Variants in CADM1 observed in about 807,000 individuals in gnomAD.
The protein encoded by CADM1 is TSLC-1.
In CADM1, 15 loss-of-function variants were observed where a neutral mutation model predicts 53.1. That is an observed-to-expected ratio of 0.28 (90% confidence interval 0.19 to 0.44). CADM1 has a LOEUF of 0.44. Among genes scored for constraint, CADM1 ranks in the 20% least tolerant of loss-of-function variants. The pLI, the probability that CADM1 is intolerant of heterozygous loss-of-function variation, is 1.00. For synonymous variants in CADM1, 281 were observed against 243.0 expected (o/e 1.16, Z -1.45); for missense variants, 434 against 611.3 (o/e 0.71, Z 3.06).
chr11:115,340,658 ATTTTTT>A (rs869273547), intron 1 of CADM1, among the ~76,000 whole-genome samples: 1 of 34,942 alleles, frequency 2.9e-5, no homozygotes, highest in African/African-American at 1.4e-4. Flanking sequence ...ATATATATAT[ATTTTTT>A]TTTTTTTTTT....
At chr11:115,308,218 C>CTATATATATATA (rs1944439959) in intron 1 of CADM1, among the ~76,000 whole-genome samples, 1 of 61,552 alleles carries the variant, frequency 1.6e-5, no homozygotes, top group African/African-American at 7.4e-5. Context: ...ATATACACAC[C>CTATATATATATA]TATGAGAAGG....
At chr11:115,230,757 C>T (rs1046828978) in intron 4 of CADM1, among the ~76,000 whole-genome samples, 1 of 152,096 alleles carries the variant, frequency 6.6e-6, no homozygotes, top group African/African-American at 2.4e-5. Flanking sequence ...GTGAATTGGG[C>T]AACTGAATCA....
intron 1 of CADM1, among the ~76,000 whole-genome samples, chr11:115,314,319 T>C (rs1376944298): frequency 2.0e-5 from 3 of 152,126 alleles, no homozygotes; most frequent in African/African-American, 7.2e-5. Context: ...TGAGCTCGGG[T>C]CCCTATTATG....
intron 1 of CADM1, among the ~76,000 whole-genome samples, chr11:115,301,432 T>C (rs955047147): frequency 6.6e-6 from 1 of 152,056 alleles, no homozygotes; most frequent in African/African-American, 2.4e-5. Flanking sequence ...TTACTAGTCT[T>C]ACTTGAAGTC....
Position 115,175,191 on chromosome 11 carries a change from A to G in CADM1, c.*1283T>C. ...CTGCTCTGACCTATCGAGAACTGAGAGCGACAGCAGACCAGTGTGAGAACA... is the reference window on the plus strand; with the variant it reads ...CTGCTCTGACCTATCGAGAACTGAGGGCGACAGCAGACCAGTGTGAGAACA... On this transcript the variant is annotated 3_prime_UTR_variant, in exon 12 of 12. Transcript: ENST00000331581. 6 of 985,836 alleles carry G rather than the reference A, an allele frequency of 6.1e-6. No individual in the cohort carries two copies. The highest frequency in any genetic ancestry group is 7.2e-6 in the Non-Finnish European group (6 of 829,918). 61.1% of individuals were successfully genotyped at this position (985,836 alleles called of 1,614,324 possible).
chr11:115,263,439 T>C (rs983204697), intron 1 of CADM1, among the ~76,000 whole-genome samples: 3 of 152,264 alleles, frequency 2.0e-5, no homozygotes, highest in African/African-American at 7.2e-5. Context: ...AACTTTCACT[T>C]GTTAATTTTA....
chr11:115,185,881 C>A (rs747460463), intron 10 of CADM1, among the ~76,000 whole-genome samples: 4 of 152,172 alleles, frequency 2.6e-5, no homozygotes, highest in Non-Finnish European at 4.4e-5. Flanking sequence ...GGACCTCAGG[C>A]ATTTGGGGGT....
chr11:115,481,555 C>T (rs1378386399), intron 1 of CADM1, among the ~76,000 whole-genome samples: 2 of 152,132 alleles, frequency 1.3e-5, no homozygotes, highest in African/African-American at 4.8e-5. Context: ...CAAATGAGTG[C>T]CACAGAGTGC....
chr11:115,437,581 C>T lies in CADM1; in HGVS notation c.124+66690G>A, dbSNP rs1347317659. Among the ~76,000 whole-genome samples the T allele has an allele frequency of 2.6e-5, 4 of 152,242 alleles. No individual in the cohort carries two copies. In the South Asian group the frequency reaches 6.2e-4, roughly 24 times the overall value. Reference sequence around the variant, plus strand: ...AACAGTTTCACAGAAGCAGGAGAAACGGGAAGATACCAAAGCGATGGGCAA... The same window carrying T: ...AACAGTTTCACAGAAGCAGGAGAAATGGGAAGATACCAAAGCGATGGGCAA... On this transcript the variant is annotated intron_variant, in intron 1 of 11. Transcript: ENST00000331581.
intron 1 of CADM1, among the ~76,000 whole-genome samples, chr11:115,462,646 G>A (rs935878093): frequency 2.1e-4 from 32 of 152,170 alleles, no homozygotes; most frequent in African/African-American, 7.0e-4. Context: ...AGGAAAGTAA[G>A]GGACATTAGA....
At chr11:115,292,183 G>A (rs1342105830) in intron 1 of CADM1, among the ~76,000 whole-genome samples, 1 of 152,162 alleles carries the variant, frequency 6.6e-6, no homozygotes, top group Admixed American at 6.5e-5. Context: ...CTAAAGTCAA[G>A]GGATTCCAAA....
intron 1 of CADM1, among the ~76,000 whole-genome samples, chr11:115,249,594 C>A (rs907992556): frequency 6.6e-6 from 1 of 152,150 alleles, no homozygotes; most frequent in Non-Finnish European, 1.5e-5. Context: ...TATTTGAAAA[C>A]CACAAAGGAA....
At chr11:115,298,632 G>A (rs78092903) in intron 1 of CADM1, among the ~76,000 whole-genome samples, 3,548 of 152,280 alleles carry the variant, frequency 0.023, 142 homozygotes, top group African/African-American at 0.081. Context: ...TTTTACCAGC[G>A]TGGTGAGTTT....
intron 1 of CADM1, among the ~76,000 whole-genome samples, chr11:115,295,544 A>AT (rs1944050701): frequency 3.6e-5 from 2 of 56,240 alleles, no homozygotes; most frequent in African/African-American, 3.7e-4. Flanking sequence ...ATATATATAT[A>AT]TATATAATAT....
At chr11:115,226,053 G>A (rs1025847085) in intron 5 of CADM1, among the ~76,000 whole-genome samples, 1 of 151,962 alleles carries the variant, frequency 6.6e-6, no homozygotes, top group Non-Finnish European at 1.5e-5. Flanking sequence ...CCATGAATGG[G>A]ATCAGTATTT....
At chr11:115,442,515 T>A (rs1386571634) in intron 1 of CADM1, among the ~76,000 whole-genome samples, 1 of 152,132 alleles carries the variant, frequency 6.6e-6, no homozygotes, top group African/African-American at 2.4e-5. Flanking sequence ...AGAGCTCTTC[T>A]CCCATTGGAA....
intron 1 of CADM1, among the ~76,000 whole-genome samples, chr11:115,438,307 T>G (rs1424725167): frequency 6.6e-6 from 1 of 152,166 alleles, no homozygotes; most frequent in East Asian, 1.9e-4. Context: ...TTATTTTTAA[T>G]GAATCTTACC....
In CADM1 at chr11:115,170,584, T is replaced by G; in HGVS notation, c.*5890A>C. On this transcript the variant is annotated 3_prime_UTR_variant, in exon 12 of 12. Coordinates refer to ENST00000331581, the MANE Select transcript of CADM1 (RefSeq NM_001301043.2). ...GTTCAGGGATGCTCATGTGTAATGA[T>G]GTGAGTGTTGGGTGGGGGGTGGTGG... The G allele has an allele frequency of 8.9e-6, 1 of 112,618 alleles. No individual in the cohort carries two copies. The highest frequency in any genetic ancestry group is 2.9e-4 in the East Asian group (1 of 3,424). 7.0% of individuals were successfully genotyped at this position (112,618 alleles called of 1,614,324 possible).
chr11:115,475,635 G>T (rs143764956), intron 1 of CADM1, among the ~76,000 whole-genome samples: 1 of 152,172 alleles, frequency 6.6e-6, no homozygotes, highest in African/African-American at 2.4e-5. Flanking sequence ...TAACACTGAT[G>T]AATTTCAGAT....
Sources: allele counts gnomAD v4.1 joint callset (sites outside exome capture counted in the v4.1 genomes callset), GRCh38; gene constraint gnomAD v4.1.1; transcripts MANE v1.5; gene names NCBI Gene and HGNC (gene_info 2026-07-23, HGNC 2026-07-21).